The following DNM3 variants were observed in gnomAD, a reference collection of about 807,000 sequenced individuals.
DNM3 encodes dynamin-3.
DNM3 carries 47 observed loss-of-function variants against 101.6 expected under a neutral mutation model. The ratio of observed to expected loss-of-function variants is 0.46; its 90% confidence interval spans 0.37 to 0.59. DNM3 has a LOEUF of 0.59. DNM3 is among the 20% of genes least tolerant of loss of function. The pLI is 0.00. For synonymous variants in DNM3, 385 were observed against 387.9 expected, an observed-to-expected ratio of 0.99 and a Z score of 0.09; for missense variants, 849 against 1,085.7, an observed-to-expected ratio of 0.78 and a Z score of 3.06.
chr1:172,004,237 G>C (rs571413035), intron 4 of DNM3, among the ~76,000 whole-genome samples: 1 of 152,064 alleles, frequency 6.6e-6, no homozygotes, highest in South Asian at 2.1e-4. Context: ...ATAAAGAGAA[G>C]AAAGAAAAAT....
At chr1:172,377,553 C>CATATATATATATATATATATATATATAT (rs34612864) in intron 17 of DNM3, among the ~76,000 whole-genome samples, 21 of 123,422 alleles carry the variant, frequency 1.7e-4, no homozygotes, top group South Asian at 5.5e-4. Context: ...TGATATATAT[C>CATATATATATATATATATATATATATAT]ATATATATAT....
chr1:171,969,449 A>C (rs2043828640), intron 2 of DNM3, among the ~76,000 whole-genome samples: 2 of 152,210 alleles, frequency 1.3e-5, no homozygotes, highest in Non-Finnish European at 2.9e-5. Context: ...CACTGTGAAC[A>C]AAAGTTGTCT....
intron 12 of DNM3, among the ~76,000 whole-genome samples, chr1:172,087,046 C>A (rs1374298357): frequency 2.6e-5 from 4 of 152,098 alleles, no homozygotes; most frequent in South Asian, 2.1e-4. Context: ...ACTTTTCGGC[C>A]CACTGCAATC....
At chr1:172,206,724 T>A (rs2060335985) in intron 14 of DNM3, among the ~76,000 whole-genome samples, 1 of 152,076 alleles carries the variant, frequency 6.6e-6, no homozygotes, top group South Asian at 2.1e-4. Flanking sequence ...CTATGGGCCT[T>A]TTATCTGGGT....
At chr1:171,862,468 A>G (rs1022957917) in intron 1 of DNM3, among the ~76,000 whole-genome samples, 1 of 152,192 alleles carries the variant, frequency 6.6e-6, no homozygotes, top group Admixed American at 6.6e-5. Context: ...TAAAAACATT[A>G]CACTAAGTGA....
Position 172,321,990 on chromosome 1 carries a change from T to C in DNM3, c.1882-1339T>C, listed in dbSNP as rs1345260183. ...TTTATGTCTCAGATAAGCCAGGGTG[T>C]TAACGGTTATATCACGGCAACTCAC... On this transcript the variant is annotated intron_variant, in intron 16 of 20. Transcript: ENST00000627582. Among the ~76,000 whole-genome samples, 3 of 152,084 alleles carry C rather than the reference T, an allele frequency of 2.0e-5. No homozygotes were observed. The East Asian group carries it at 5.8e-4, about 29-fold the overall frequency.
intron 2 of DNM3, among the ~76,000 whole-genome samples, chr1:171,926,847 A>G (rs1163987372): frequency 6.6e-6 from 1 of 152,230 alleles, no homozygotes; most frequent in Admixed American, 6.5e-5. Context: ...GACAAAATCT[A>G]ACATGCATTC....
At chr1:172,175,162 C>T (rs1350742399) in intron 14 of DNM3, among the ~76,000 whole-genome samples, 1 of 151,684 alleles carries the variant, frequency 6.6e-6, no homozygotes, top group East Asian at 1.9e-4. Flanking sequence ...ACACGGGAGA[C>T]AAGGAGATGA....
chr1:172,301,172 G>T (rs1180469625), intron 15 of DNM3, among the ~76,000 whole-genome samples: 1 of 152,106 alleles, frequency 6.6e-6, no homozygotes, highest in African/African-American at 2.4e-5. Flanking sequence ...ATCTTTTCTG[G>T]AAAGGTAATT....
At chr1:172,103,925 A>C (rs1045073389) in intron 13 of DNM3, among the ~76,000 whole-genome samples, 3 of 152,172 alleles carry the variant, frequency 2.0e-5, no homozygotes, top group Admixed American at 2.0e-4. Flanking sequence ...CACTTGAACC[A>C]GGGAGTTGGA....
intron 20 of DNM3, among the ~76,000 whole-genome samples, chr1:172,398,271 G>A (rs749479879): frequency 9.2e-5 from 14 of 152,072 alleles, no homozygotes; most frequent in Non-Finnish European, 1.6e-4. Context: ...TGATCCCTAC[G>A]CCCAATTATA....
At chr1:172,342,890 CT>C (rs2066754250) in intron 17 of DNM3, among the ~76,000 whole-genome samples, 1 of 151,776 alleles carries the variant, frequency 6.6e-6, no homozygotes, top group South Asian at 2.1e-4. Flanking sequence ...TTTTTCTTAC[CT>C]TTTTTGAGGG....
chr1:172,198,261 G>A (rs2060025962), intron 14 of DNM3, among the ~76,000 whole-genome samples: 1 of 152,120 alleles, frequency 6.6e-6, no homozygotes, highest in Non-Finnish European at 1.5e-5. Context: ...TCCCGAGGAT[G>A]AAGCCTACTT....
intron 1 of DNM3, among the ~76,000 whole-genome samples, chr1:171,880,958 T>G (rs987128943): frequency 6.6e-6 from 1 of 152,160 alleles, no homozygotes; most frequent in African/African-American, 2.4e-5. Context: ...AATGGGTACA[T>G]GTGATAGACT....
At chr1:172,032,227 C>T (rs1280716031) in intron 4 of DNM3, among the ~76,000 whole-genome samples, 175 bp from the exon 5 acceptor site, 1 of 151,928 alleles carries the variant, frequency 6.6e-6, no homozygotes, top group Non-Finnish European at 1.5e-5. Context: ...GGCAACTGTC[C>T]TCCTCATCAC....
intron 11 of DNM3, among the ~76,000 whole-genome samples, chr1:172,070,951 G>A (rs999224481): frequency 2.7e-5 from 4 of 150,660 alleles, no homozygotes; most frequent in Non-Finnish European, 4.4e-5. Context: ...AGCTGGGCAC[G>A]GTGGCCTGCA....
chr1:172,183,892 G>A (rs35931296), intron 14 of DNM3, among the ~76,000 whole-genome samples: 1 of 147,036 alleles, frequency 6.8e-6, no homozygotes, highest in Non-Finnish European at 1.5e-5. Context: ...ACAGGCATGA[G>A]CCAATACACC....
At chr1:172,388,408 T>TA (rs1241790176) in intron 19 of DNM3, among the ~76,000 whole-genome samples, 165 bp from the exon 20 acceptor site, 1 of 152,150 alleles carries the variant, frequency 6.6e-6, no homozygotes, top group Non-Finnish European at 1.5e-5. Context: ...GAGGAAAACT[T>TA]ACTTTTCTCC....
intron 2 of DNM3, among the ~76,000 whole-genome samples, chr1:171,955,124 C>G (rs747180294): frequency 1.3e-5 from 2 of 152,152 alleles, no homozygotes; most frequent in Non-Finnish European, 2.9e-5. Flanking sequence ...GCTCTTGGCT[C>G]TTACTCTCTT....
Sources: allele counts gnomAD v4.1 joint callset (sites outside exome capture counted in the v4.1 genomes callset), GRCh38; gene constraint gnomAD v4.1.1; transcripts MANE v1.5; gene names NCBI Gene and HGNC (gene_info 2026-07-23, HGNC 2026-07-21).